The following CCDC141 variants were observed in gnomAD, a reference collection of about 807,000 sequenced individuals.
The protein encoded by CCDC141 is coiled-coil domain containing 141.
In CCDC141, 168 loss-of-function variants were observed where a neutral mutation model predicts 181.0. That is an observed-to-expected ratio of 0.93 (90% CI 0.82 to 1.05). The LOEUF is 1.05. Ranked by LOEUF, CCDC141 falls within the 50% of genes least tolerant of loss-of-function variation. The pLI is 0.00. For missense variants in CCDC141, 1,902 were observed against 1,788.5 expected (o/e 1.06, Z -1.14); for synonymous variants, 666 against 642.3 (o/e 1.04, Z -0.56).
chr2:178,928,756 A>G (rs1349157633), intron 6 of CCDC141, among the ~76,000 whole-genome samples: 11 of 152,132 alleles, frequency 7.2e-5, no homozygotes, highest in Admixed American at 7.2e-4. Flanking sequence ...ATGGGCAAAA[A>G]CATTTTGGAG....
intron 17 of CCDC141, among the ~76,000 whole-genome samples, chr2:178,857,730 T>A (rs551036189): frequency 6.6e-6 from 1 of 152,286 alleles, no homozygotes; most frequent in South Asian, 2.1e-4. Flanking sequence ...GTGAACAATG[T>A]CATGGTTGAT....
chr2:178,865,653 C>A, intron 17 of CCDC141, 114 bp downstream of exon 17: 1 of 982,172 alleles, frequency 1.0e-6, no homozygotes, highest in Non-Finnish European at 1.4e-6. Flanking sequence ...TCTCCTGATT[C>A]ATTGTGTGTT....
At chr2:178,921,976 T>C (rs1688710347) in intron 6 of CCDC141, among the ~76,000 whole-genome samples, 1 of 152,188 alleles carries the variant, frequency 6.6e-6, no homozygotes, top group Admixed American at 6.5e-5. Context: ...GATTTGGCAT[T>C]GATCAGAACT....
At chr2:178,935,852 A>G (rs1689264488) in intron 6 of CCDC141, among the ~76,000 whole-genome samples, 1 of 151,958 alleles carries the variant, frequency 6.6e-6, no homozygotes, top group South Asian at 2.1e-4. Context: ...AATCAGTGAT[A>G]TTGAGCTTTT....
At chr2:178,986,707 C>T (rs1452265468) in intron 2 of CCDC141, among the ~76,000 whole-genome samples, 30 of 151,920 alleles carry the variant, frequency 2.0e-4, no homozygotes, top group Admixed American at 6.6e-4. Context: ...TGAGTGAACT[C>T]CCATTCACAA....
At chr2:178,883,304 G>A (rs1348936680) in intron 11 of CCDC141, among the ~76,000 whole-genome samples, 1 of 152,070 alleles carries the variant, frequency 6.6e-6, no homozygotes, top group Non-Finnish European at 1.5e-5. Context: ...GAACACAAAG[G>A]ATAAATGCTT....
chr2:179,009,884 A>G (rs904918772), intron 2 of CCDC141, among the ~76,000 whole-genome samples: 4 of 152,202 alleles, frequency 2.6e-5, no homozygotes, highest in African/African-American at 9.6e-5. Flanking sequence ...AGCCCAATGC[A>G]AGGAAATCCA....
rs1054395830 is a variant in CCDC141 at position 178,836,902 on chromosome 2, T to C, written c.4317A>G (p.Thr1439=). 6 of 1,610,612 alleles carry C rather than the reference T, an allele frequency of 3.7e-6. No homozygotes were observed. In the African/African-American group the frequency reaches 6.7e-5, roughly 18 times the overall value. Reference sequence around the variant, plus strand: ...CATTATAGGCTACCCACCATGTCAGTGTAGGCTCTGGAAATCCTGTTACTT... The same window carrying C: ...CATTATAGGCTACCCACCATGTCAGCGTAGGCTCTGGAAATCCTGTTACTT... The part of the protein sequence containing the change: ...EVEVTGFPEP[T]LTWYKKGQKL... Residue 1439 remains threonine (T), a synonymous_variant, in exon 23 of 24, where the codon ACA becomes ACG. Coordinates refer to ENST00000443758, the MANE Select transcript of CCDC141 (RefSeq NM_173648.4).
chr2:178,975,834 A>T (rs949197035), intron 3 of CCDC141, among the ~76,000 whole-genome samples: 3 of 152,148 alleles, frequency 2.0e-5, no homozygotes, highest in Non-Finnish European at 4.4e-5. Context: ...AGGAGGTAAA[A>T]TTTTAATATT....
Position 178,837,547 on chromosome 2 carries a change from C to A in CCDC141, c.3672G>T (p.Glu1224Asp), listed in dbSNP as rs1030373240. 6 of 1,613,866 alleles carry A rather than the reference C, an allele frequency of 3.7e-6. No homozygotes were observed. Among genetic ancestry groups the A allele is most frequent in the Non-Finnish European group, 5.1e-6 (6 of 1,179,898 alleles). The change falls in exon 23 of 24, where the codon GAG (glutamate) becomes GAT (aspartate). Residue 1224 changes from glutamate to aspartate, a missense_variant. Physicochemically the swap from Glu to Asp is conservative, Grantham distance 45. Transcript: ENST00000443758. ...CCATGTCAGATGGTGCAAGAGGGGA[C>A]TCAGGGCTTCCTGGGAGAGGAGGCA... is the stretch of plus-strand genomic sequence containing the variant. ...ISLPPLPGSP[E>D]SPLAPSDMEV...
intron 8 of CCDC141, among the ~76,000 whole-genome samples, chr2:178,901,960 AACAG>A (rs1249337678): frequency 6.6e-6 from 1 of 152,180 alleles, no homozygotes; most frequent in East Asian, 1.9e-4. Context: ...ATACACCAAC[AACAG>A]ACAAACAGAG....
intron 2 of CCDC141, among the ~76,000 whole-genome samples, chr2:178,991,462 C>G (rs1353901544): frequency 6.6e-6 from 1 of 151,624 alleles, no homozygotes; most frequent in East Asian, 1.9e-4. Context: ...TTAAAAAGAA[C>G]AAAATGTTAC....
At chr2:178,959,662 AG>A (rs1690312043) in intron 5 of CCDC141, among the ~76,000 whole-genome samples, 1 of 152,224 alleles carries the variant, frequency 6.6e-6, no homozygotes, top group African/African-American at 2.4e-5. Flanking sequence ...CAGCAGGTAA[AG>A]CACAACAGAA....
intron 2 of CCDC141, among the ~76,000 whole-genome samples, chr2:178,980,538 G>C (rs977597748): frequency 1.3e-5 from 2 of 152,170 alleles, no homozygotes; most frequent in African/African-American, 4.8e-5. Context: ...ACAAAACTAA[G>C]GCTGAAGCAA....
intron 21 of CCDC141, among the ~76,000 whole-genome samples, chr2:178,846,735 T>C (rs924500544): frequency 2.0e-5 from 3 of 152,232 alleles, no homozygotes; most frequent in South Asian, 2.1e-4. Context: ...TTGGGGCCCA[T>C]GTAAAGCACT....
At chr2:178,905,630 T>A (rs1687930475) in intron 7 of CCDC141, 129 bp from the exon 8 acceptor site, 1 of 892,456 alleles carries the variant, frequency 1.1e-6, no homozygotes, top group Non-Finnish European at 1.6e-6. Flanking sequence ...AAAACAACCA[T>A]CTTAATCTTG....
intron 7 of CCDC141, among the ~76,000 whole-genome samples, chr2:178,908,566 C>A (rs920672009): frequency 6.6e-6 from 1 of 152,190 alleles, no homozygotes; most frequent in African/African-American, 2.4e-5. Flanking sequence ...TCCCTTAAAT[C>A]ACCCTTAAAG....
At position 178,918,875 on chromosome 2, in the gene CCDC141, A is replaced by G. The variant is rs1377770203; in HGVS notation, c.930T>C (p.Ser310=). The part of the protein sequence containing the change: ...EWNSAVEKLK[S]EALRILLSKD... ...TTGACAGCAGAATTCTCAGTGCCTCACTCTTCAGCTTCTCAACAGCAGAAT... is the reference window on the plus strand; with the variant it reads ...TTGACAGCAGAATTCTCAGTGCCTCGCTCTTCAGCTTCTCAACAGCAGAAT... The change falls in exon 7 of 24, where the codon AGT becomes AGC. Residue 310 remains serine (S), a synonymous_variant. Coordinates refer to ENST00000443758, the MANE Select transcript of CCDC141 (RefSeq NM_173648.4). The G allele has an allele frequency of 4.5e-6, 7 of 1,550,404 alleles. No individual in the cohort carries two copies. Among genetic ancestry groups the G allele is most frequent in the Non-Finnish European group, 6.1e-6 (7 of 1,146,974 alleles).
intron 2 of CCDC141, among the ~76,000 whole-genome samples, chr2:178,983,502 C>T (rs940907190): frequency 5.3e-5 from 8 of 151,020 alleles, no homozygotes; most frequent in Admixed American, 2.6e-4. Context: ...AGGCTTCAGA[C>T]GATCAAATTA....
Sources: allele counts gnomAD v4.1 joint callset (sites outside exome capture counted in the v4.1 genomes callset), GRCh38; gene constraint gnomAD v4.1.1; transcripts MANE v1.5; gene names NCBI Gene and HGNC (gene_info 2026-07-23, HGNC 2026-07-21).